Variants in SMARCA1 observed in about 807,000 individuals in gnomAD.
SMARCA1 encodes SWI/SNF-related matrix-associated actin-dependent regulator of chromatin subfamily A member 1.
In SMARCA1, 17 loss-of-function variants were observed where a neutral mutation model predicts 93.6. That is an observed-to-expected ratio of 0.18 (90% CI 0.12 to 0.27). The LOEUF (loss-of-function observed/expected upper bound fraction) is 0.27, where lower values mean the gene tolerates loss of function less well. SMARCA1 is among the 10% of genes least tolerant of loss of function. SMARCA1 has a pLI of 1.00. For missense variants in SMARCA1, 630 were observed against 819.0 expected (o/e 0.77, Z 2.82); for synonymous variants, 271 against 271.4 (o/e 1.00, Z 0.01).
chrX:129,523,167 C>G lies in SMARCA1; in HGVS notation c.174+30G>C, dbSNP rs199562784. 2.1e-5 allele frequency: 25 copies of G among 1,202,714 alleles called. No individual in the cohort carries two copies. The African/African-American group carries it at 4.2e-4, about 20-fold the overall frequency. On this transcript the variant is annotated intron_variant, in intron 1 of 24. Coordinates refer to ENST00000371121, the MANE Select transcript of SMARCA1 (RefSeq NM_001282874.2). ...CAGAGGGGCCAGGCACAGGATTTGT[C>G]CACCACACACACACCCCCTTCCTAT... is the stretch of plus-strand genomic sequence containing the variant.
intron 22 of SMARCA1, 23 bp from the exon 23 acceptor site, chrX:129,465,755 G>A: frequency 9.2e-7 from 1 of 1,092,538 alleles, no homozygotes; most frequent in Non-Finnish European, 1.2e-6. Context: ...ACAAAATAGT[G>A]CTTTTAATTG....
At chrX:129,504,135 G>A (rs752363833) in intron 9 of SMARCA1, among the ~76,000 whole-genome samples, 48 of 110,731 alleles carry the variant, frequency 4.3e-4, no homozygotes, top group East Asian at 1.1e-3. Context: ...AAAATTAGCC[G>A]GGCGTGGTGG....
chrX:129,473,358 T>C (rs1257136471), intron 19 of SMARCA1, among the ~76,000 whole-genome samples: 2 of 111,657 alleles, frequency 1.8e-5, no homozygotes, highest in Non-Finnish European at 3.8e-5. Context: ...ACATTTAAAA[T>C]GAAATGTAGC....
chrX:129,493,118 G>A, intron 12 of SMARCA1, 43 bp from the exon 13 acceptor site: 2 of 403,104 alleles, frequency 5.0e-6, no homozygotes, highest in East Asian at 8.1e-5. Flanking sequence ...TTATGTATAA[G>A]GACTTTCACT....
intron 12 of SMARCA1, among the ~76,000 whole-genome samples, chrX:129,493,921 T>C (rs1208592971): frequency 1.8e-5 from 2 of 111,407 alleles, no homozygotes; most frequent in Non-Finnish European, 3.8e-5. Flanking sequence ...TGAGAAAGAA[T>C]TACTTATTCA....
At chrX:129,464,028 C>T (rs971999286) in intron 23 of SMARCA1, among the ~76,000 whole-genome samples, 1 of 112,242 alleles carries the variant, frequency 8.9e-6, no homozygotes, top group African/African-American at 3.2e-5. Flanking sequence ...ATTCCAACTA[C>T]TCTAGCTCCT....
chrX:129,488,802 G>A, intron 16 of SMARCA1, 135 bp downstream of exon 16: 1 of 408,656 alleles, frequency 2.4e-6, no homozygotes, highest in Non-Finnish European at 4.0e-6. Context: ...AGATCTACAA[G>A]TTGTTGGAGA....
At chrX:129,494,112 C>T (rs1317060303) in intron 12 of SMARCA1, among the ~76,000 whole-genome samples, 1 of 112,010 alleles carries the variant, frequency 8.9e-6, no homozygotes, top group Non-Finnish European at 1.9e-5. Flanking sequence ...GAGGGGATAA[C>T]ATTGTTTGGA....
intron 23 of SMARCA1, among the ~76,000 whole-genome samples, chrX:129,463,312 T>G (rs1229870585): frequency 1.8e-5 from 2 of 111,736 alleles, no homozygotes; most frequent in Non-Finnish European, 3.8e-5. Flanking sequence ...TAAAAGGAGT[T>G]CTCTGCTAAA....
chrX:129,480,588 G>T, intron 19 of SMARCA1, 113 bp downstream of exon 19: 1 of 309,105 alleles, frequency 3.2e-6, no homozygotes, highest in Non-Finnish European at 5.5e-6. Context: ...TCACTGTTGT[G>T]ATTTGCTGTC....
In SMARCA1 at chrX:129,477,238, C is replaced by T. The variant is rs72614114; in HGVS notation, c.2442+3463G>A. ...TAGATAAACCTGCCATTCTCTGCAT[C>T]GCAGCCAAAGTGATCTTTTAAAAAT... On this transcript the variant is annotated intron_variant, in intron 19 of 24. Transcript: ENST00000371121. Among the ~76,000 whole-genome samples the T allele has an allele frequency of 4.5e-3, 502 of 111,664 alleles. 20 individuals carry two copies. The East Asian group carries it at 0.056, about 12-fold the overall frequency.
intron 23 of SMARCA1, among the ~76,000 whole-genome samples, chrX:129,451,298 G>A (rs758718466): frequency 8.9e-6 from 1 of 111,787 alleles, no homozygotes; most frequent in South Asian, 3.7e-4. Context: ...ACCCTGATGA[G>A]ATTTGATCGT....
At chrX:129,468,302 CA>C (rs1223879852) in intron 21 of SMARCA1, among the ~76,000 whole-genome samples, 1 of 112,075 alleles carries the variant, frequency 8.9e-6, no homozygotes, top group African/African-American at 3.2e-5. Flanking sequence ...CCGCTAGCCC[CA>C]AGTTAATGGG....
chrX:129,447,162 T>A lies in SMARCA1; in HGVS notation c.3213A>T (p.Ter1071TyrextTer7). 3 of 1,145,853 alleles carry A rather than the reference T, an allele frequency of 2.6e-6. No individual in the cohort carries two copies. Among genetic ancestry groups the A allele is most frequent in the Non-Finnish European group, 2.3e-6 (2 of 866,811 alleles). The allele number at this position is 1,145,853 out of a possible 1,213,427, so 94.4% of individuals were successfully genotyped here. Residue 1071 changes from the stop codon to tyrosine, a stop_lost, in exon 25 of 25, where the codon TAA (stop) becomes TAT (tyrosine). Coordinates refer to ENST00000371121, the MANE Select transcript of SMARCA1 (RefSeq NM_001282874.2). ...GKKDVKKVKS[*>Y] ...CCATTTAAAACTTTATTTCTAGGCT[T>A]TAGGATTTCACCTTCTTGACATCCT...
intron 24 of SMARCA1, 65 bp downstream of exon 24, chrX:129,448,268 A>C (rs1282175075): frequency 9.7e-7 from 1 of 1,029,130 alleles, no homozygotes. Flanking sequence ...AACATAATAT[A>C]GGCATTTTAA....
intron 5 of SMARCA1, among the ~76,000 whole-genome samples, chrX:129,515,477 G>A (rs959696062): frequency 1.8e-5 from 2 of 110,954 alleles, no homozygotes; most frequent in Non-Finnish European, 3.8e-5. Context: ...ACAGTGAGCC[G>A]AGATTGCACC....
intron 19 of SMARCA1, among the ~76,000 whole-genome samples, chrX:129,476,836 G>T (rs954264734): frequency 2.2e-4 from 25 of 111,511 alleles, no homozygotes; most frequent in African/African-American, 8.2e-4. Flanking sequence ...TCCTTAAAAG[G>T]GAGCTTTTTA....
chrX:129,478,910 C>T (rs1241995076), intron 19 of SMARCA1, among the ~76,000 whole-genome samples: 2 of 111,474 alleles, frequency 1.8e-5, no homozygotes, highest in African/African-American at 6.5e-5. Flanking sequence ...AACGTCTGAG[C>T]GGAACGAATA....
intron 23 of SMARCA1, among the ~76,000 whole-genome samples, chrX:129,448,832 G>C (rs1037880302): frequency 9.1e-6 from 1 of 110,271 alleles, no homozygotes; most frequent in African/African-American, 3.3e-5. Context: ...ATTATAGAAA[G>C]AGAGAACAGA....
Sources: gnomAD v4.1 joint callset for allele counts (sites outside exome capture counted in the v4.1 genomes callset) on GRCh38, gnomAD v4.1.1 for gene constraint, MANE v1.5 for transcripts, NCBI Gene and HGNC (gene_info 2026-07-23, HGNC 2026-07-21) for gene names.